NDST1: variants seen among roughly 807,000 people sequenced by gnomAD.
The protein encoded by NDST1 is N-deacetylase and N-sulfotransferase 1.
NDST1 carries 35 observed loss-of-function variants against 92.8 expected under a neutral mutation model. The observed-to-expected ratio is 0.38, with a 90% CI of 0.29 to 0.50. The LOEUF is 0.50. Ranked by LOEUF, NDST1 falls within the 20% of genes least tolerant of loss-of-function variation. NDST1 has a pLI of 0.94. For synonymous variants in NDST1, 493 were observed against 500.3 expected, an observed-to-expected ratio of 0.99 and a Z score of 0.19; for missense variants, 822 against 1,182.7, an observed-to-expected ratio of 0.69 and a Z score of 4.47.
chr5:150,514,764 C>T (rs1299492200), intron 1 of NDST1, among the ~76,000 whole-genome samples: 1 of 152,130 alleles, frequency 6.6e-6, no homozygotes, highest in Non-Finnish European at 1.5e-5. Context: ...GTGACTGTGG[C>T]AAGTCACTTC....
chr5:150,534,592 T>A (rs895966334), intron 4 of NDST1, among the ~76,000 whole-genome samples: 11 of 152,190 alleles, frequency 7.2e-5, no homozygotes, highest in African/African-American at 2.7e-4. Flanking sequence ...ACCCTTGAGA[T>A]CATTGACTCC....
At chr5:150,516,656 T>G (rs955974908) in intron 1 of NDST1, among the ~76,000 whole-genome samples, 1 of 152,158 alleles carries the variant, frequency 6.6e-6, no homozygotes, top group African/African-American at 2.4e-5. Flanking sequence ...TCTGAACTCC[T>G]TGAAATTATT....
At chr5:150,535,628 C>A in intron 5 of NDST1, 72 bp from the exon 6 acceptor site, 1 of 1,558,196 alleles carries the variant, frequency 6.4e-7, no homozygotes, top group Non-Finnish European at 8.8e-7. Flanking sequence ...CTCTCCCATT[C>A]TACAAAGGGG....
Position 150,554,053 on chromosome 5 carries a change from T to G in NDST1, c.*721T>G, listed in dbSNP as rs1490699474. 2 of 406,188 alleles carry G rather than the reference T, an allele frequency of 4.9e-6. No homozygotes were observed. The highest frequency in any genetic ancestry group is 4.1e-5 in the African/African-American group (2 of 48,690). 25.2% of individuals were successfully genotyped at this position (406,188 alleles called of 1,614,324 possible). A position where few individuals can be genotyped will look rare whatever the true frequency, so the allele number is the denominator to read the frequency against. On this transcript the variant is annotated 3_prime_UTR_variant, in exon 15 of 15. Transcript: ENST00000261797. ...CCTTTCTTCCCCCTGGGATATGATG[T>G]GTGGTGTTTCCTGTGGTAAAAGACT...
At position 150,535,790 on chromosome 5, in the gene NDST1, A is replaced by G. The variant is rs1240610311; in HGVS notation, c.1342A>G (p.Lys448Glu). ...PVHVQLYEAW[K>E]QVWSIRVTST... Reference sequence around the variant, plus strand: ...GCACGTGCAGCTGTACGAGGCTTGGAAGCAGGTGTGGAGCATCCGCGTGAC... The same window carrying G: ...GCACGTGCAGCTGTACGAGGCTTGGGAGCAGGTGTGGAGCATCCGCGTGAC... Residue 448 changes from lysine to glutamate, a missense_variant, in exon 6 of 15, where the codon AAG becomes GAG. By Grantham distance (56) the Lys-to-Glu change is moderately conservative (BLOSUM62 1). Transcript: ENST00000261797. 1.9e-6 allele frequency: 3 copies of G among 1,614,172 alleles called. No individual in the cohort carries two copies. Among genetic ancestry groups the G allele is most frequent in the Non-Finnish European group, 2.5e-6 (3 of 1,180,020 alleles).
At chr5:150,548,498 T>A in intron 12 of NDST1, 110 bp downstream of exon 12, 6 of 1,177,274 alleles carry the variant, frequency 5.1e-6, no homozygotes, top group Non-Finnish European at 7.3e-6. Context: ...TATGCCCTCC[T>A]TGGAGAGCTA....
chr5:150,545,991 CT>C (rs34937690), intron 11 of NDST1, among the ~76,000 whole-genome samples: 19,134 of 83,622 alleles, frequency 0.23, 1,309 homozygotes, highest in Admixed American at 0.3. Context: ...CCAGAGCTGT[CT>C]TTTTTTTTTT....
intron 6 of NDST1, among the ~76,000 whole-genome samples, chr5:150,536,266 G>C (rs1346771641): frequency 6.6e-6 from 1 of 152,044 alleles, no homozygotes; most frequent in Non-Finnish European, 1.5e-5. Context: ...CAGGCAGATT[G>C]CTTGAGCCTA....
At chr5:150,537,829 C>T (rs927034005) in intron 6 of NDST1, among the ~76,000 whole-genome samples, 1 of 152,150 alleles carries the variant, frequency 6.6e-6, no homozygotes, top group African/African-American at 2.4e-5. Flanking sequence ...TGACATCTCC[C>T]CTGGACACCC....
intron 3 of NDST1, among the ~76,000 whole-genome samples, chr5:150,530,557 A>ATTTTTTT (rs71589713): frequency 1.6e-5 from 2 of 127,232 alleles, no homozygotes; most frequent in Non-Finnish European, 3.2e-5. Context: ...CGTATTTTAA[A>ATTTTTTT]TTTTTTTTTT....
chr5:150,513,194 CA>C (rs903969009), intron 1 of NDST1, among the ~76,000 whole-genome samples: 2 of 151,922 alleles, frequency 1.3e-5, no homozygotes, highest in Non-Finnish European at 2.9e-5. Context: ...GACACTGTCT[CA>C]AAAAATGAAA....
Position 150,528,151 on chromosome 5 carries a change from C to G in NDST1, c.861C>G (p.Phe287Leu), listed in dbSNP as rs749395237. The G allele has an allele frequency of 1.2e-6, 2 of 1,614,256 alleles. No homozygotes were observed. The highest frequency in any genetic ancestry group is 1.1e-5 in the South Asian group (1 of 91,086). The change falls in exon 3 of 15, where the codon TTC becomes TTG. Residue 287 changes from phenylalanine (F) to leucine (L), a missense_variant. Transcript: ENST00000261797. ...QRVLFGNNLNFWLHKLVFVDA... is the reference protein window; with the variant it reads ...QRVLFGNNLNLWLHKLVFVDA... ...TGCTGTTTGGCAACAACCTGAACTT[C>G]TGGCTGCACAAGCTTGTCTTCGTGG...
intron 8 of NDST1, 103 bp from the exon 9 acceptor site, chr5:150,541,467 G>A (rs1024872170): frequency 2.7e-5 from 26 of 948,406 alleles, no homozygotes; most frequent in Admixed American, 2.5e-4. Context: ...TAGCATGTAG[G>A]TATCATGCCC....
rs2273234 is a variant in NDST1, at chr5:150,528,040, A to G, written c.750A>G (p.Pro250=). The G allele has an allele frequency of 0.44, 707,141 of 1,612,592 alleles. 161,972 individuals are homozygous for G. The highest frequency in any genetic ancestry group is 0.53 in the Admixed American group (31,607 of 59,776). ...LAKTRSSESI[P]HLGADAGLHA... ...AGACGCGCTCGTCTGAGTCCATCCCACACCTGGGCGCAGACGCCGGCCTGC... is the reference window on the plus strand; with the variant it reads ...AGACGCGCTCGTCTGAGTCCATCCCGCACCTGGGCGCAGACGCCGGCCTGC... The change falls in exon 3 of 15, where the codon CCA becomes CCG. Residue 250 remains proline, a synonymous_variant. Coordinates refer to ENST00000261797, the MANE Select transcript of NDST1 (RefSeq NM_001543.5).
rs1383511933 is a variant in NDST1 at position 150,549,720 on chromosome 5, A to C, written c.2359A>C (p.Lys787Gln). Reference sequence around the variant, plus strand: ...CAAACTGCTTCGCACAGAACCTGCCAAAGTGATGGACATGGTGCAGAAGTT... The same window carrying C: ...CAAACTGCTTCGCACAGAACCTGCCCAAGTGATGGACATGGTGCAGAAGTT... ...DGKLLRTEPA[K>Q]VMDMVQKFLG... Residue 787 changes from lysine to glutamine, a missense_variant, in exon 13 of 15, where the codon AAA (lysine) becomes CAA (glutamine). Physicochemically the swap from Lys to Gln is moderately conservative, Grantham distance 53 (BLOSUM62 1). Coordinates refer to ENST00000261797, the MANE Select transcript of NDST1 (RefSeq NM_001543.5). 6.2e-7 allele frequency: 1 copy of C among 1,614,162 alleles called. No individual in the cohort carries two copies. Among genetic ancestry groups the C allele is most frequent in the East Asian group, 2.2e-5 (1 of 44,892 alleles).
At chr5:150,550,105 C>CT (rs11365752) in intron 13 of NDST1, among the ~76,000 whole-genome samples, 288 of 138,956 alleles carry the variant, frequency 2.1e-3, no homozygotes, top group South Asian at 2.5e-3. Flanking sequence ...TTAGCATTAG[C>CT]TTTTTTTTTT....
At chr5:150,508,693 G>C (rs918427326) in intron 1 of NDST1, among the ~76,000 whole-genome samples, 8 of 152,190 alleles carry the variant, frequency 5.3e-5, no homozygotes, top group African/African-American at 1.9e-4. Flanking sequence ...TGTCTAGACT[G>C]TGAGAGCCAT....
intron 10 of NDST1, among the ~76,000 whole-genome samples, chr5:150,543,314 C>T (rs1007536966): frequency 6.6e-6 from 1 of 152,220 alleles, no homozygotes; most frequent in African/African-American, 2.4e-5. Context: ...TTCTGGCTCT[C>T]CTCACTGCGT....
chr5:150,508,582 C>T (rs905621915), intron 1 of NDST1, among the ~76,000 whole-genome samples: 4 of 152,146 alleles, frequency 2.6e-5, no homozygotes, highest in Non-Finnish European at 5.9e-5. Context: ...CCACCTGAAG[C>T]CAGCAGGTCC....
Sources: gnomAD v4.1 joint callset for allele counts (sites outside exome capture counted in the v4.1 genomes callset) on GRCh38, gnomAD v4.1.1 for gene constraint, MANE v1.5 for transcripts, NCBI Gene and HGNC (gene_info 2026-07-23, HGNC 2026-07-21) for gene names.